Variants in TNIK observed in about 807,000 individuals in gnomAD.
TNIK encodes TRAF2 and NCK interacting kinase, also known as TRAF2 and NCK-interacting protein kinase.
TNIK carries 49 observed loss-of-function variants against 191.3 expected under a neutral mutation model. The ratio of observed to expected loss-of-function variants is 0.26; its 90% CI spans 0.20 to 0.32. The LOEUF is 0.32. TNIK is among the 10% of genes least tolerant of loss of function. The pLI is 1.00. For synonymous variants in TNIK, 594 were observed against 600.9 expected (o/e 0.99, Z 0.17); for missense variants, 1,155 against 1,702.3 (o/e 0.68, Z 5.66).
chr3:171,407,674 T>G (rs1343600479), intron 1 of TNIK, among the ~76,000 whole-genome samples: 3 of 152,208 alleles, frequency 2.0e-5, no homozygotes, highest in East Asian at 3.8e-4. Flanking sequence ...CAGAAACATC[T>G]AAAAGTTTAA....
At chr3:171,425,692 G>A (rs143116718) in intron 1 of TNIK, among the ~76,000 whole-genome samples, 94 of 152,166 alleles carry the variant, frequency 6.2e-4, no homozygotes, top group Middle Eastern at 3.4e-3. Context: ...GCCAGGCATG[G>A]TGGCAGACAC....
chr3:171,420,093 T>C (rs1723572401), intron 1 of TNIK, among the ~76,000 whole-genome samples: 1 of 152,228 alleles, frequency 6.6e-6, no homozygotes, highest in Admixed American at 6.5e-5. Flanking sequence ...CAGTCAATAT[T>C]TGCTGACTGA....
intron 28 of TNIK, among the ~76,000 whole-genome samples, chr3:171,072,405 A>T (rs777792902): frequency 2.0e-5 from 3 of 152,164 alleles, no homozygotes; most frequent in Non-Finnish European, 4.4e-5. Context: ...GAAAAGATCC[A>T]CAGCTCTTGG....
chr3:171,066,861 G>T, intron 30 of TNIK, 126 bp from the exon 31 acceptor site: 1 of 1,218,980 alleles, frequency 8.2e-7, no homozygotes, highest in Non-Finnish European at 1.1e-6. Flanking sequence ...ACTGAAATTT[G>T]CTTTAATTTA....
intron 2 of TNIK, among the ~76,000 whole-genome samples, chr3:171,279,684 T>G (rs971683681): frequency 2.0e-5 from 3 of 151,016 alleles, no homozygotes; most frequent in Non-Finnish European, 2.9e-5. Context: ...ACAATAGCAA[T>G]GACGATGATG....
intron 2 of TNIK, among the ~76,000 whole-genome samples, chr3:171,357,831 C>T (rs1390058089): frequency 2.6e-5 from 4 of 152,040 alleles, no homozygotes; most frequent in South Asian, 4.1e-4. Context: ...GCAGTGTGCA[C>T]GAATGCCCCG....
chr3:171,127,635 TA>T (rs936775292), intron 16 of TNIK, among the ~76,000 whole-genome samples: 5 of 152,156 alleles, frequency 3.3e-5, no homozygotes, highest in African/African-American at 1.2e-4. Context: ...ATTTGTACAT[TA>T]AAATAGAAAT....
chr3:171,228,073 T>C, intron 3 of TNIK, 92 bp downstream of exon 3: 1 of 1,397,148 alleles, frequency 7.2e-7, no homozygotes, highest in Non-Finnish European at 1.0e-6. Context: ...TAACAATATT[T>C]TCTACTTATG....
intron 2 of TNIK, among the ~76,000 whole-genome samples, chr3:171,282,497 A>G (rs1750580508): frequency 6.6e-6 from 1 of 151,876 alleles, no homozygotes; most frequent in Non-Finnish European, 1.5e-5. Flanking sequence ...GCCTGACACC[A>G]CGCCCAGCTA....
chr3:171,158,105 C>T (rs1429967914), intron 11 of TNIK, among the ~76,000 whole-genome samples: 1 of 152,196 alleles, frequency 6.6e-6, no homozygotes, highest in Non-Finnish European at 1.5e-5. Context: ...CCCACACCAC[C>T]CCCTCACACC....
intron 1 of TNIK, among the ~76,000 whole-genome samples, chr3:171,410,794 A>G (rs1722303700): frequency 6.6e-6 from 1 of 151,356 alleles, no homozygotes; most frequent in Non-Finnish European, 1.5e-5. Flanking sequence ...AAAAAAAAAA[A>G]AAAAAAAAAG....
chr3:171,177,079 G>T (rs1489390212), intron 8 of TNIK, among the ~76,000 whole-genome samples: 4 of 151,642 alleles, frequency 2.6e-5, no homozygotes, highest in African/African-American at 9.7e-5. Context: ...AAACAAACAA[G>T]ACTCCCCAAA....
chr3:171,209,695 T>C (rs1740546648), intron 4 of TNIK, among the ~76,000 whole-genome samples: 1 of 152,170 alleles, frequency 6.6e-6, no homozygotes, highest in Non-Finnish European at 1.5e-5. Context: ...TAAAATGTGT[T>C]TACCCCCAAA....
At chr3:171,405,428 G>A (rs1275228635) in intron 1 of TNIK, among the ~76,000 whole-genome samples, 1 of 151,172 alleles carries the variant, frequency 6.6e-6, no homozygotes, top group Non-Finnish European at 1.5e-5. Context: ...TAAGTAGTGG[G>A]CATTTAATAA....
At chr3:171,391,461 G>A (rs552006397) in intron 1 of TNIK, among the ~76,000 whole-genome samples, 1 of 152,314 alleles carries the variant, frequency 6.6e-6, no homozygotes, top group South Asian at 2.1e-4. Context: ...CCAGGAAGAG[G>A]AGGCAACTCT....
chr3:171,278,281 C>A (rs1329907340), intron 2 of TNIK, among the ~76,000 whole-genome samples: 1 of 152,102 alleles, frequency 6.6e-6, no homozygotes, highest in African/African-American at 2.4e-5. Flanking sequence ...CAGTAAGAAC[C>A]CAGCCCTTGT....
chr3:171,309,084 A>G (rs1254320377), intron 2 of TNIK, among the ~76,000 whole-genome samples: 1 of 152,176 alleles, frequency 6.6e-6, no homozygotes, highest in Non-Finnish European at 1.5e-5. Flanking sequence ...ATTCTACCAT[A>G]AAGACACATG....
At chr3:171,415,808 C>T (rs569478746) in intron 1 of TNIK, among the ~76,000 whole-genome samples, 1 of 151,548 alleles carries the variant, frequency 6.6e-6, no homozygotes, top group African/African-American at 2.4e-5. Flanking sequence ...TGGTGAAACC[C>T]TGTCTCTACT....
chr3:171,175,513 G>A (rs1735856569), intron 8 of TNIK, among the ~76,000 whole-genome samples, 183 bp from the exon 9 acceptor site: 1 of 152,314 alleles, frequency 6.6e-6, no homozygotes, highest in Non-Finnish European at 1.5e-5. Context: ...ACTTACAGGA[G>A]TCTCATAAAA....
Sources: allele counts gnomAD v4.1 joint callset (sites outside exome capture counted in the v4.1 genomes callset), GRCh38; gene constraint gnomAD v4.1.1; transcripts MANE v1.5; gene names NCBI Gene and HGNC (gene_info 2026-07-23, HGNC 2026-07-21).